SAMSN1: variants seen among roughly 807,000 people sequenced by gnomAD.
SAMSN1 encodes SAM domain, SH3 domain and nuclear localization signals 1.
SAMSN1 carries 31 observed loss-of-function variants against 42.0 expected under a neutral mutation model. That is an observed-to-expected ratio of 0.74 (90% confidence interval 0.55 to 1.00). The LOEUF (loss-of-function observed/expected upper bound fraction) is 1.00, where lower values mean the gene tolerates loss of function less well. Ranked by LOEUF, SAMSN1 falls within the 50% of genes least tolerant of loss-of-function variation. The pLI, the probability that SAMSN1 is intolerant of heterozygous loss-of-function variation, is 0.00. For missense variants in SAMSN1, 464 were observed against 439.4 expected (o/e 1.06, Z -0.50); for synonymous variants, 178 against 151.9 (o/e 1.17, Z -1.26).
At chr21:14,600,037 G>A (rs550242745) in intron 6 of SAMSN1, among the ~76,000 whole-genome samples, 1 of 152,216 alleles carries the variant, frequency 6.6e-6, no homozygotes, top group African/African-American at 2.4e-5. Context: ...CAGGAGTATG[G>A]CACCAAAGTC....
At chr21:14,509,528 A>G (rs992588072) in intron 5 of SAMSN1, among the ~76,000 whole-genome samples, 21 of 152,208 alleles carry the variant, frequency 1.4e-4, no homozygotes, top group African/African-American at 5.1e-4. Flanking sequence ...CTGTTCCCCA[A>G]TAACCTATGG....
chr21:14,644,157 G>C (rs745741682), intron 1 of SAMSN1, among the ~76,000 whole-genome samples: 2 of 152,154 alleles, frequency 1.3e-5, no homozygotes, highest in African/African-American at 2.4e-5. Context: ...AGTAGACTGA[G>C]GGGGCATGTA....
intron 2 of SAMSN1, among the ~76,000 whole-genome samples, chr21:14,569,053 G>A (rs1297087413): frequency 6.6e-6 from 1 of 152,102 alleles, no homozygotes; most frequent in African/African-American, 2.4e-5. Context: ...AGCAGTTTGG[G>A]AGGCTGGAAA....
At chr21:14,498,074 T>A in intron 7 of SAMSN1, among the ~76,000 whole-genome samples, 1 of 152,226 alleles carries the variant, frequency 6.6e-6, no homozygotes, top group East Asian at 1.9e-4. Context: ...CTCGTGTTGT[T>A]CTACAGAAGC....
At chr21:14,611,421 T>G (rs1351117925) in intron 4 of SAMSN1, among the ~76,000 whole-genome samples, 1 of 152,246 alleles carries the variant, frequency 6.6e-6, no homozygotes, top group Non-Finnish European at 1.5e-5. Flanking sequence ...ACACAAATGT[T>G]GAATAATGCA....
chr21:14,510,118 A>G (rs1235782295), intron 5 of SAMSN1, among the ~76,000 whole-genome samples, 192 bp downstream of exon 5: 2 of 151,808 alleles, frequency 1.3e-5, no homozygotes, highest in Non-Finnish European at 2.9e-5. Flanking sequence ...CAGCCTGGGC[A>G]ACAGAGTGAC....
At chr21:14,558,250 G>A (rs1452865159) in intron 2 of SAMSN1, among the ~76,000 whole-genome samples, 1 of 151,960 alleles carries the variant, frequency 6.6e-6, no homozygotes, top group East Asian at 1.9e-4. Context: ...CAAGTAACAG[G>A]ATTAAAATTG....
At chr21:14,547,701 T>G (rs1029772951), upstream of SAMSN1, among the ~76,000 whole-genome samples, 1 of 152,152 alleles carries the variant, frequency 6.6e-6, no homozygotes, top group Non-Finnish European at 1.5e-5. Context: ...GGCCCAAATT[T>G]TACTAATTCA....
At chr21:14,497,768 C>T (rs748347186) in intron 7 of SAMSN1, among the ~76,000 whole-genome samples, 1 of 152,018 alleles carries the variant, frequency 6.6e-6, no homozygotes, top group East Asian at 1.9e-4. Context: ...TGTTTGGGGG[C>T]CTGACCGGAT....
At chr21:14,641,951 T>G (rs1444545075) in intron 2 of SAMSN1, among the ~76,000 whole-genome samples, 1 of 152,126 alleles carries the variant, frequency 6.6e-6, no homozygotes, top group African/African-American at 2.4e-5. Flanking sequence ...TCGATACACA[T>G]GTTGTATGTT....
chr21:14,525,162 C>A (rs1978762054), intron 1 of SAMSN1, among the ~76,000 whole-genome samples: 1 of 152,202 alleles, frequency 6.6e-6, no homozygotes, highest in South Asian at 2.1e-4. Context: ...TGGATCCAGG[C>A]AATGATCATC....
rs769386893 is a variant in SAMSN1, at chr21:14,500,640, C to T, written c.657G>A (p.Val219=). ...CTGCTTCCTCTTCTGAGATGACATCCACATAAATGAATTTGAAGTTTCCCA... is the reference window on the plus strand; with the variant it reads ...CTGCTTCCTCTTCTGAGATGACATCTACATAAATGAATTTGAAGTTTCCCA... ...NKVGNFKFIY[V]DVISEEEAAP... is the part of the protein sequence containing the mutation. The change falls in exon 6 of 8, where the codon GTG becomes GTA. Residue 219 remains valine (V), a synonymous_variant. Coordinates refer to ENST00000400566, the MANE Select transcript of SAMSN1 (RefSeq NM_022136.5). 18 of 1,613,954 alleles carry T rather than the reference C, an allele frequency of 1.1e-5. No homozygotes were observed. The highest frequency in any genetic ancestry group is 1.7e-5 in the Admixed American group (1 of 59,996).
Position 14,498,456 on chromosome 21 carries a change from A to G in SAMSN1, c.905T>C (p.Phe302Ser). 6.2e-7 allele frequency: 1 copy of G among 1,610,014 alleles called. No individual in the cohort carries two copies. Among genetic ancestry groups the G allele is most frequent in the Non-Finnish European group, 8.5e-7 (1 of 1,178,962 alleles). Residue 302 changes from phenylalanine (F) to serine (S), a missense_variant, in exon 7 of 8, where the codon TTC becomes TCC. Transcript: ENST00000400566. ...RRRLLSAAEN[F>S]LEEEIIQEQE... ...TACACACTTACTTTCTTCTTCAAGGAAGTTTTCAGCAGCTGATAGTAACCT... is the reference window on the plus strand; with the variant it reads ...TACACACTTACTTTCTTCTTCAAGGGAGTTTTCAGCAGCTGATAGTAACCT...
chr21:14,632,286 C>T (rs938264059), intron 2 of SAMSN1, among the ~76,000 whole-genome samples: 1 of 151,790 alleles, frequency 6.6e-6, no homozygotes, highest in Non-Finnish European at 1.5e-5. Context: ...GTTTTGAGTT[C>T]CCAATAATTC....
chr21:14,590,306 T>G (rs1469469565), intron 7 of SAMSN1, among the ~76,000 whole-genome samples: 1 of 152,052 alleles, frequency 6.6e-6, no homozygotes, highest in Non-Finnish European at 1.5e-5. Flanking sequence ...GGTCTTGCTC[T>G]GTCCACCAAG....
intron 3 of SAMSN1, among the ~76,000 whole-genome samples, chr21:14,512,891 T>C (rs532017426): frequency 5.9e-5 from 9 of 152,356 alleles, no homozygotes; most frequent in African/African-American, 2.2e-4. Flanking sequence ...CTATGGTTTA[T>C]CTTTTAAAGC....
intron 2 of SAMSN1, among the ~76,000 whole-genome samples, chr21:14,563,780 G>A (rs958180571): frequency 6.6e-6 from 1 of 152,146 alleles, no homozygotes; most frequent in African/African-American, 2.4e-5. Flanking sequence ...CAAATCAAAT[G>A]TTCTCCATGG....
At position 14,515,660 on chromosome 21, in the gene SAMSN1, C is replaced by T. The variant is rs73173209; in HGVS notation, c.279+1232G>A. Among the ~76,000 whole-genome samples the T allele has an allele frequency of 1.4e-3, 215 of 152,186 alleles. 1 individual carries two copies. Among genetic ancestry groups the T allele is most frequent in the Middle Eastern group, 0.014 (4 of 294 alleles). Reference sequence around the variant, plus strand: ...AATTGGACTACAATAAAATTAGGAACATTTGTGCTACAAACAACACCATCA... The same window carrying T: ...AATTGGACTACAATAAAATTAGGAATATTTGTGCTACAAACAACACCATCA... On this transcript the variant is annotated intron_variant, in intron 3 of 7. Transcript: ENST00000400566.
intron 2 of SAMSN1, among the ~76,000 whole-genome samples, chr21:14,575,183 C>A (rs2123226648): frequency 6.6e-6 from 1 of 152,106 alleles, no homozygotes; most frequent in East Asian, 1.9e-4. Flanking sequence ...ATAAGCCATG[C>A]AGAATCTCCT....
Sources: allele counts gnomAD v4.1 joint callset (sites outside exome capture counted in the v4.1 genomes callset), GRCh38; gene constraint gnomAD v4.1.1; transcripts MANE v1.5; gene names NCBI Gene and HGNC (gene_info 2026-07-23, HGNC 2026-07-21).